MGRN1: variants seen among roughly 807,000 people sequenced by gnomAD.
The protein encoded by MGRN1 is mahogunin ring finger 1, also known as E3 ubiquitin-protein ligase MGRN1.
In MGRN1, 29 loss-of-function variants were observed where a neutral mutation model predicts 69.2. The ratio of observed to expected loss-of-function variants is 0.42; its 90% confidence interval spans 0.31 to 0.57. The LOEUF (loss-of-function observed/expected upper bound fraction) is 0.57, where lower values mean the gene tolerates loss of function less well. Among genes scored for constraint, MGRN1 ranks in the 20% least tolerant of loss-of-function variants. The probability of loss-of-function intolerance (pLI) is 0.15; values close to 1 mark genes in which losing one functional copy is unlikely to be tolerated. For synonymous variants in MGRN1, 470 were observed against 344.2 expected, an observed-to-expected ratio of 1.37 and a Z score of -4.04; for missense variants, 998 against 796.2, an observed-to-expected ratio of 1.25 and a Z score of -3.05.
chr16:4,688,336 C>T, intron 16 of MGRN1: 1 of 989,446 alleles, frequency 1.0e-6, no homozygotes, highest in Non-Finnish European at 1.2e-6. Flanking sequence ...TTGCAGTAGC[C>T]ATCCGGGGGC....
At chr16:4,674,578 C>CTTTTTTTTTTTTCTTTTCTTTTCT (rs2079011670) in intron 10 of MGRN1, among the ~76,000 whole-genome samples, 1 of 119,020 alleles carries the variant, frequency 8.4e-6, no homozygotes, top group Non-Finnish European at 1.7e-5. Context: ...TGAGCCACCG[C>CTTTTTTTTTTTTCTTTTCTTTTCT]TTTTTTTTTT....
At chr16:4,688,498 G>T in intron 16 of MGRN1, 3 of 1,186,512 alleles carry the variant, frequency 2.5e-6, no homozygotes, top group African/African-American at 3.1e-5. Flanking sequence ...AGGGCAGGAG[G>T]CCCAGAGGGC....
At chr16:4,637,768 G>A (rs1023497747) in intron 1 of MGRN1, among the ~76,000 whole-genome samples, 8 of 152,236 alleles carry the variant, frequency 5.3e-5, no homozygotes, top group South Asian at 2.1e-4. Context: ...AAGTGCTGCC[G>A]TCGTCCCTGG....
At chr16:4,631,325 AAAC>A (rs1162172294) in intron 1 of MGRN1, among the ~76,000 whole-genome samples, 2 of 152,222 alleles carry the variant, frequency 1.3e-5, no homozygotes, top group Admixed American at 6.5e-5. Flanking sequence ...TTAAAAATCA[AAAC>A]AACAGCGACA....
intron 16 of MGRN1, chr16:4,688,476 G>A (rs935322969): frequency 2.6e-5 from 29 of 1,133,860 alleles, no homozygotes; most frequent in African/African-American, 1.9e-4. Context: ...CCAGGAAACC[G>A]GAACCAGGGC....
At chr16:4,657,933 G>A (rs975656621) in intron 5 of MGRN1, among the ~76,000 whole-genome samples, 118 of 151,128 alleles carry the variant, frequency 7.8e-4, no homozygotes, top group African/African-American at 2.7e-3. Context: ...TAGTAGAGAC[G>A]GGGTTTCACC....
In MGRN1 at chr16:4,657,279, G is replaced by T; in HGVS notation, c.477G>T (p.Glu159Asp). 6.2e-7 allele frequency: 1 copy of T among 1,614,152 alleles called. No individual in the cohort carries two copies. Among genetic ancestry groups the T allele is most frequent in the Non-Finnish European group, 8.5e-7 (1 of 1,179,982 alleles). Reference sequence around the variant, plus strand: ...CCAAGAGCCCCTCGCTACAGTCCGAGACCGTCCACTACAAGAGAGGGGTGA... The same window carrying T: ...CCAAGAGCCCCTCGCTACAGTCCGATACCGTCCACTACAAGAGAGGGGTGA... ...YSPKSPSLQS[E>D]TVHYKRGVSQ... Residue 159 changes from glutamate to aspartate, a missense_variant, in exon 5 of 17, where the codon GAG (glutamate) becomes GAT (aspartate). By Grantham distance (45) the Glu-to-Asp change is conservative. Coordinates refer to ENST00000262370, the MANE Select transcript of MGRN1 (RefSeq NM_015246.4).
At position 4,673,509 on chromosome 16, in the gene MGRN1, C is replaced by G. The variant is rs200448887; in HGVS notation, c.807C>G (p.Asp269Glu). 1.6e-4 allele frequency: 264 copies of G among 1,612,924 alleles called. No homozygotes were observed. The African/African-American group carries it at 3.2e-3, about 19-fold the overall frequency. The change falls in exon 10 of 17, where the codon GAC becomes GAG. Residue 269 changes from aspartate (D) to glutamate (E), a missense_variant. Coordinates refer to ENST00000262370, the MANE Select transcript of MGRN1 (RefSeq NM_015246.4). ...KNNQETKPSD[D>E]ENSDNSNECV... ...CCTTGTCCCGGCAGCCCTCGGACGA[C>G]GAGAACAGCGACAACAGCAACGAGT...
intron 5 of MGRN1, among the ~76,000 whole-genome samples, chr16:4,663,391 T>TTTA (rs150893432): frequency 0.036 from 4,479 of 123,218 alleles, 557 homozygotes; most frequent in Non-Finnish European, 0.06. Flanking sequence ...TTTTTTTTTT[T>TTTA]ACACCTTTAT....
At chr16:4,627,393 T>A (rs1460757912) in intron 1 of MGRN1, among the ~76,000 whole-genome samples, 1 of 152,284 alleles carries the variant, frequency 6.6e-6, no homozygotes, top group African/African-American at 2.4e-5. Context: ...TTTCACTATA[T>A]CTGTTTTACT....
chr16:4,670,377 G>A (rs1157110898), intron 8 of MGRN1, among the ~76,000 whole-genome samples: 1 of 152,194 alleles, frequency 6.6e-6, no homozygotes, highest in Non-Finnish European at 1.5e-5. Flanking sequence ...CGAGTAGCTG[G>A]GACTACAGGC....
At chr16:4,649,585 A>C (rs2078355952) in intron 1 of MGRN1, 1 of 152,278 alleles carries the variant, frequency 6.6e-6, no homozygotes, top group African/African-American at 2.4e-5. Context: ...TCTTCTGTTA[A>C]GAACCAGTCA....
At chr16:4,642,085 C>A (rs1183728905) in intron 1 of MGRN1, among the ~76,000 whole-genome samples, 1 of 151,428 alleles carries the variant, frequency 6.6e-6, no homozygotes, top group Non-Finnish European at 1.5e-5. Flanking sequence ...ATCCGGTAAC[C>A]CTGCACTGTC....
rs771103294 is a variant in MGRN1 at position 4,682,890 on chromosome 16, G to A, written c.1426G>A (p.Ala476Thr). ...DEEKLSEDVD[A>T]PPPLGGAELA... The stretch of plus-strand genomic sequence containing the variant: ...GGAGAAGCTCTCCGAGGACGTGGAC[G>A]CCCCTCCCCCACTGGGTGGCGCAGA... Residue 476 changes from alanine to threonine, a missense_variant, in exon 14 of 17, where the codon GCC becomes ACC. Coordinates refer to ENST00000262370, the MANE Select transcript of MGRN1 (RefSeq NM_015246.4). The A allele has an allele frequency of 2.3e-5, 37 of 1,608,826 alleles. No homozygotes were observed. Among genetic ancestry groups the A allele is most frequent in the African/African-American group, 2.7e-5 (2 of 74,774 alleles).
At chr16:4,678,686 C>G (rs1478691584) in intron 11 of MGRN1, among the ~76,000 whole-genome samples, 1 of 152,218 alleles carries the variant, frequency 6.6e-6, no homozygotes, top group African/African-American at 2.4e-5. Flanking sequence ...CTTAGGCCCC[C>G]TGCTCCCCAC....
chr16:4,629,150 A>ATGTGTGTGTGTGTGTGTG (rs377682804), intron 1 of MGRN1, among the ~76,000 whole-genome samples: 26 of 127,694 alleles, frequency 2.0e-4, no homozygotes, highest in Non-Finnish European at 3.2e-4. Context: ...TTCTGTTCGT[A>ATGTGTGTGTGTGTGTGTG]TGTGTGTGTG....
intron 1 of MGRN1, among the ~76,000 whole-genome samples, chr16:4,648,675 G>A (rs112470007): frequency 2.1e-5 from 2 of 96,502 alleles, no homozygotes; most frequent in South Asian, 3.7e-4. Context: ...GACTCTTCCC[G>A]TGGTCACCCG....
intron 8 of MGRN1, among the ~76,000 whole-genome samples, chr16:4,669,505 C>G (rs1219721512): frequency 2.7e-5 from 4 of 150,204 alleles, no homozygotes; most frequent in Non-Finnish European, 5.9e-5. Context: ...GACGACGGGT[C>G]CCTGTCTTGG....
intron 1 of MGRN1, among the ~76,000 whole-genome samples, chr16:4,633,223 A>G (rs946936676): frequency 4.7e-5 from 7 of 150,144 alleles, no homozygotes; most frequent in Admixed American, 4.0e-4. Context: ...CCCCACCTCT[A>G]TTAAAAATCC....
Sources: gnomAD v4.1 joint callset for allele counts (sites outside exome capture counted in the v4.1 genomes callset) on GRCh38, gnomAD v4.1.1 for gene constraint, MANE v1.5 for transcripts, NCBI Gene and HGNC (gene_info 2026-07-23, HGNC 2026-07-21) for gene names.